LRCH3: variants seen among roughly 807,000 people sequenced by gnomAD.
The protein encoded by LRCH3 is DISP complex protein LRCH3.
A neutral mutation model predicts 104.5 loss-of-function variants in LRCH3; 68 were observed. That is an observed-to-expected ratio of 0.65 (90% CI 0.54 to 0.80). LRCH3 has a LOEUF of 0.80. Ranked by LOEUF, LRCH3 falls within the 30% of genes least tolerant of loss-of-function variation. LRCH3 has a pLI of 0.00. For synonymous variants in LRCH3, 344 were observed against 361.3 expected, an observed-to-expected ratio of 0.95 and a Z score of 0.54; for missense variants, 951 against 953.9, an observed-to-expected ratio of 1.00 and a Z score of 0.04.
intron 12 of LRCH3, chr3:197,850,427 C>G: frequency 8.2e-7 from 1 of 1,213,958 alleles, no homozygotes; most frequent in Non-Finnish European, 1.1e-6. Flanking sequence ...GTTTTTGTTT[C>G]TTCAGTTTCT....
chr3:197,824,850 G>T (rs926652638), intron 4 of LRCH3, among the ~76,000 whole-genome samples: 1 of 152,104 alleles, frequency 6.6e-6, no homozygotes, highest in African/African-American at 2.4e-5. Context: ...GATTACAGGC[G>T]TGAGCCACTG....
At chr3:197,816,258 A>G (rs1430332495) in intron 2 of LRCH3, among the ~76,000 whole-genome samples, 2 of 152,046 alleles carry the variant, frequency 1.3e-5, no homozygotes, top group Non-Finnish European at 2.9e-5. Context: ...ATTTATTTTT[A>G]TCTTGATAGA....
intron 1 of LRCH3, 27 bp downstream of exon 1, chr3:197,791,567 C>T (rs1351530046): frequency 6.6e-7 from 1 of 1,507,322 alleles, no homozygotes; most frequent in Admixed American, 2.5e-5. Context: ...GCGTCTCTGC[C>T]CGTCGGAGAC....
rs927777115 is a variant in LRCH3, at chr3:197,883,956, C to T, written c.*290C>T. ...TTTCCTGGAGAGCAGGCGTGTTTCACGTGCCAGAAAGCACATCTTCTGTGT... is the reference window on the plus strand; with the variant it reads ...TTTCCTGGAGAGCAGGCGTGTTTCATGTGCCAGAAAGCACATCTTCTGTGT... On this transcript the variant is annotated 3_prime_UTR_variant, in exon 21 of 21. Coordinates refer to ENST00000425562, the MANE Select transcript of LRCH3 (RefSeq NM_001365715.1). This position sits in a 1 kb window ranked among gnomAD's most constrained non-coding sequence, Gnocchi z 4.2. 2.1e-4 allele frequency: 66 copies of T among 310,382 alleles called. No individual in the cohort carries two copies. The highest frequency in any genetic ancestry group is 5.6e-4 in the East Asian group (9 of 15,948). The allele number at this position is 310,382 out of a possible 1,614,324, so 19.2% of individuals were successfully genotyped here. A position where few individuals can be genotyped will look rare whatever the true frequency, so the allele number is the denominator to read the frequency against.
intron 1 of LRCH3, among the ~76,000 whole-genome samples, chr3:197,792,584 T>TATATATATATATATATATATAAAATATAC (rs1730685586): frequency 3.0e-5 from 2 of 67,038 alleles, no homozygotes; most frequent in African/African-American, 1.1e-4. Context: ...ATTTTATATA[T>TATATATATATATATATATATAAAATATAC]ATATATATAT....
intron 18 of LRCH3, 61 bp downstream of exon 18, chr3:197,870,339 T>C: frequency 5.5e-6 from 8 of 1,453,698 alleles, no homozygotes; most frequent in Non-Finnish European, 5.7e-6. Context: ...CATAATCCTG[T>C]GATCACGTCT....
At chr3:197,875,056 G>A (rs1477952363) in intron 19 of LRCH3, among the ~76,000 whole-genome samples, 7 of 151,398 alleles carry the variant, frequency 4.6e-5, no homozygotes, top group African/African-American at 1.5e-4. Context: ...TCAGCCTCCC[G>A]AGTAGCTGGG....
intron 1 of LRCH3, among the ~76,000 whole-genome samples, chr3:197,794,538 TAA>T (rs1730975355): frequency 6.6e-6 from 1 of 152,248 alleles, no homozygotes; most frequent in Non-Finnish European, 1.5e-5. Flanking sequence ...TGCTAATATA[TAA>T]AAGTTGCCTT....
At chr3:197,846,365 T>C (rs542657839) in intron 10 of LRCH3, among the ~76,000 whole-genome samples, 4 of 144,366 alleles carry the variant, frequency 2.8e-5, no homozygotes, top group Non-Finnish European at 4.5e-5. Flanking sequence ...GATCACGGCA[T>C]TGCACTCCAC....
Position 197,835,761 on chromosome 3 carries a change from A to AC in LRCH3, c.1193dup (p.Asp399ArgfsTer4). ...GAGGTGAGACAGCCCAAGGGACCAG[A>AC]CCCAGACAGCCTTAGTTCACAGTTT... On this transcript the variant is annotated frameshift_variant, in exon 9 of 21. Coordinates refer to ENST00000425562, the MANE Select transcript of LRCH3 (RefSeq NM_001365715.1). LOFTEE classifies it high-confidence loss of function. 6.2e-7 allele frequency: 1 copy of AC among 1,614,090 alleles called. No individual in the cohort carries two copies. The highest frequency in any genetic ancestry group is 8.5e-7 in the Non-Finnish European group (1 of 1,180,014).
At chr3:197,791,979 G>GA (rs1730576068) in intron 1 of LRCH3, among the ~76,000 whole-genome samples, 4 of 152,088 alleles carry the variant, frequency 2.6e-5, no homozygotes, top group Non-Finnish European at 5.9e-5. Flanking sequence ...GTCGGTCTCA[G>GA]CCCTGGAGTT....
At chr3:197,809,185 C>A (rs1472392602) in intron 1 of LRCH3, among the ~76,000 whole-genome samples, 1 of 151,706 alleles carries the variant, frequency 6.6e-6, no homozygotes, top group African/African-American at 2.4e-5. Flanking sequence ...GTAGTCCCAG[C>A]TCCTCAGGAG....
Position 197,847,939 on chromosome 3 carries a change from C to T in LRCH3, c.1448C>T (p.Ala483Val), listed in dbSNP as rs1379917996. 1.2e-6 allele frequency: 2 copies of T among 1,613,954 alleles called. No individual in the cohort carries two copies. Among genetic ancestry groups the T allele is most frequent in the Non-Finnish European group, 8.5e-7 (1 of 1,179,976 alleles). Residue 483 changes from alanine to valine, a missense_variant, in exon 12 of 21, where the codon GCT (alanine) becomes GTT (valine). By Grantham distance (64) the Ala-to-Val change is moderately conservative. Transcript: ENST00000425562. Reference protein sequence around the residue: ...EQLVERTRREAQLAALQYEEE... With the variant: ...EQLVERTRREVQLAALQYEEE... Reference sequence around the variant, plus strand: ...TTAGTAGAGCGCACTCGGAGAGAGGCTCAGCTTGCTGCCCTGCAGTATGAG... The same window carrying T: ...TTAGTAGAGCGCACTCGGAGAGAGGTTCAGCTTGCTGCCCTGCAGTATGAG...
chr3:197,812,432 A>G lies in LRCH3; in HGVS notation c.263-2476A>G, dbSNP rs111599410. Among the ~76,000 whole-genome samples, 33 of 145,990 alleles carry G rather than the reference A, an allele frequency of 2.3e-4. 1 individual carries two copies. Among genetic ancestry groups the G allele is most frequent in the African/African-American group, 8.1e-4 (32 of 39,480 alleles). The stretch of plus-strand genomic sequence containing the variant: ...ATTGGTAGACATTTGGTTTGTTTCC[A>G]TCTTTTGACTGTTGTGAATAATGCT... On this transcript the variant is annotated intron_variant, in intron 1 of 20. Transcript: ENST00000425562.
chr3:197,848,214 C>T (rs756054116), intron 12 of LRCH3, 193 bp downstream of exon 12: 20 of 555,416 alleles, frequency 3.6e-5, no homozygotes, highest in South Asian at 2.4e-4. Flanking sequence ...ATCTTGTTAA[C>T]GGTAAATCTG....
intron 10 of LRCH3, among the ~76,000 whole-genome samples, chr3:197,844,090 A>C (rs1242036477): frequency 6.6e-6 from 1 of 152,238 alleles, no homozygotes; most frequent in Non-Finnish European, 1.5e-5. Flanking sequence ...ATGGATGTCT[A>C]GGGGTGAAAC....
chr3:197,807,668 G>A (rs1244250478), intron 1 of LRCH3, among the ~76,000 whole-genome samples: 6 of 152,054 alleles, frequency 3.9e-5, no homozygotes, highest in Non-Finnish European at 5.9e-5. Flanking sequence ...TCCTTTCTGT[G>A]TTCTTTTTCT....
intron 1 of LRCH3, among the ~76,000 whole-genome samples, chr3:197,806,532 A>G (rs1732500484): frequency 6.6e-6 from 1 of 151,998 alleles, no homozygotes; most frequent in Admixed American, 6.5e-5. Context: ...ATATCCTAAA[A>G]GTCAGAAAAG....
chr3:197,884,900 A>G lies in LRCH3; in HGVS notation c.*1234A>G, dbSNP rs1405381187. 2 of 152,364 alleles carry G rather than the reference A, an allele frequency of 1.3e-5. No individual in the cohort carries two copies. Among genetic ancestry groups the G allele is most frequent in the Non-Finnish European group, 2.9e-5 (2 of 68,156 alleles). The allele number at this position is 152,364 out of a possible 1,614,324, so 9.4% of individuals were successfully genotyped here. On this transcript the variant is annotated 3_prime_UTR_variant, in exon 21 of 21. Transcript: ENST00000425562. ...AGTGCTGGGATTACTGGAGTGAGCC[A>G]TCGGGCCTGGCCCAGATTTTGCATA...
Sources: gnomAD v4.1 joint callset for allele counts (sites outside exome capture counted in the v4.1 genomes callset) on GRCh38, gnomAD v4.1.1 for gene constraint, Gnocchi (gnomAD v3.1) non-coding constraint, MANE v1.5 for transcripts, NCBI Gene and HGNC (gene_info 2026-07-23, HGNC 2026-07-21) for gene names.